The following ING5 variants were observed in gnomAD, a reference collection of about 807,000 sequenced individuals.
The protein encoded by ING5 is inhibitor of growth protein 5.
ING5 carries 17 observed loss-of-function variants against 37.4 expected under a neutral mutation model. The ratio of observed to expected loss-of-function variants is 0.45; its 90% CI spans 0.31 to 0.68. The LOEUF (loss-of-function observed/expected upper bound fraction) is 0.68. Among genes scored for constraint, ING5 ranks in the 30% least tolerant of loss-of-function variants. The probability of loss-of-function intolerance (pLI) is 0.05; values close to 1 mark genes in which losing one functional copy is unlikely to be tolerated. For synonymous variants in ING5, 123 were observed against 116.6 expected (o/e 1.06, Z -0.36); for missense variants, 233 against 311.9 (o/e 0.75, Z 1.91).
At chr2:241,722,813 G>T in intron 5 of ING5, 126 bp from the exon 6 acceptor site, 1 of 1,521,744 alleles carries the variant, frequency 6.6e-7, no homozygotes, top group Non-Finnish European at 8.8e-7. Flanking sequence ...TTTCCCCCTT[G>T]GAATGATTGT....
chr2:241,711,860 C>T (rs944369530), intron 4 of ING5, 118 bp from the exon 5 acceptor site: 26 of 903,714 alleles, frequency 2.9e-5, no homozygotes, highest in Non-Finnish European at 4.2e-5. Context: ...ATGATTGCTC[C>T]GCTGCACTCC....
intron 2 of ING5, among the ~76,000 whole-genome samples, chr2:241,696,673 G>C (rs921308747): frequency 3.3e-5 from 5 of 152,046 alleles, no homozygotes; most frequent in African/African-American, 7.2e-5. Context: ...TGTAGTCCCA[G>C]ATATTGAGGG....
At chr2:241,704,054 G>T (rs907067820) in intron 1 of ING5, among the ~76,000 whole-genome samples, 2 of 152,148 alleles carry the variant, frequency 1.3e-5, no homozygotes, top group East Asian at 1.9e-4. Flanking sequence ...TGCTCACTGA[G>T]GGGGGGCAGC....
At chr2:241,698,209 C>T (rs1171988521), upstream of ING5, among the ~76,000 whole-genome samples, 6 of 151,766 alleles carry the variant, frequency 4.0e-5, no homozygotes, top group South Asian at 1.2e-3. Flanking sequence ...CTTTGGGAGG[C>T]CAAGGCAGGA....
Position 241,712,043 on chromosome 2 carries a change from A to C in ING5, c.454A>C (p.Thr152Pro). The change falls in exon 5 of 8, where the codon ACA becomes CCA. Residue 152 changes from threonine (T) to proline (P), a missense_variant. By Grantham distance (38) the Thr-to-Pro change is conservative. This residue lies in a region of ING5 where 76 missense variants were observed against 68.2 expected (regional missense o/e 1.11). Transcript: ENST00000313552. ...AGGCAGGAGGACATCAGAGGAAGAC[A>C]CACCAAAGAAAAAGAAGCACAAAGG... Reference protein sequence around the residue: ...GRGRRTSEEDTPKKKKHKGGS... With the variant: ...GRGRRTSEEDPPKKKKHKGGS... 1 of 1,612,268 alleles carries C rather than the reference A, an allele frequency of 6.2e-7. No individual in the cohort carries two copies. Among genetic ancestry groups the C allele is most frequent in the Non-Finnish European group, 8.5e-7 (1 of 1,179,158 alleles).
intron 2 of ING5, among the ~76,000 whole-genome samples, chr2:241,692,054 TA>T (rs1287594703): frequency 6.6e-6 from 1 of 151,842 alleles, no homozygotes; most frequent in Non-Finnish European, 1.5e-5. Context: ...TCTCAATTTT[TA>T]AAAAAATATA....
intron 7 of ING5, 181 bp from the exon 8 acceptor site, chr2:241,724,808 A>AACC: frequency 1.6e-6 from 1 of 615,256 alleles, no homozygotes; most frequent in Non-Finnish European, 2.9e-6. Context: ...TCCTGCATAG[A>AACC]GCCGCACGTG....
At chr2:241,712,973 C>T (rs1035939745) in intron 5 of ING5, among the ~76,000 whole-genome samples, 7 of 150,812 alleles carry the variant, frequency 4.6e-5, no homozygotes, top group African/African-American at 1.7e-4. Flanking sequence ...TACATTCCAG[C>T]CTGGGCCACA....
In ING5 at chr2:241,725,962, G is replaced by T. The variant is rs55982148; in HGVS notation, c.*931G>T. 6.6e-6 allele frequency: 1 copy of T among 152,602 alleles called. No homozygotes were observed. The highest frequency in any genetic ancestry group is 1.5e-5 in the Non-Finnish European group (1 of 68,044). 9.5% of individuals were successfully genotyped at this position (152,602 alleles called of 1,614,324 possible). A position where few individuals can be genotyped will look rare whatever the true frequency, so the allele number is the denominator to read the frequency against. On this transcript the variant is annotated 3_prime_UTR_variant, in exon 8 of 8. Coordinates refer to ENST00000313552, the MANE Select transcript of ING5 (RefSeq NM_032329.6). ...TGTGAATTTGTTGTGAATTTGTTGTGCCACAATAGCAGTTCTGGAATGAAG... is the reference window on the plus strand; with the variant it reads ...TGTGAATTTGTTGTGAATTTGTTGTTCCACAATAGCAGTTCTGGAATGAAG...
exon 1 of ING5, chr2:241,687,489 C>A: frequency 2.5e-6 from 1 of 397,648 alleles, no homozygotes; most frequent in Non-Finnish European, 4.4e-6. Context: ...CCCTGAAGCG[C>A]AAAACTGCAG....
At chr2:241,703,459 C>T (rs532693967) in intron 1 of ING5, among the ~76,000 whole-genome samples, 3 of 152,168 alleles carry the variant, frequency 2.0e-5, no homozygotes, top group Admixed American at 2.0e-4. Context: ...CGGGGGTCCT[C>T]CTGGCAGACT....
exon 1 of ING5, chr2:241,687,526 T>TTTG (rs79632401): frequency 0.4 from 155,664 of 391,484 alleles, 31,967 homozygotes; most frequent in Middle Eastern, 0.48. Flanking sequence ...TGTGTGTGTT[T>TTTG]TTGTTGTTTT....
chr2:241,722,606 T>C (rs2070459814), intron 5 of ING5: 5 of 985,110 alleles, frequency 5.1e-6, no homozygotes, highest in Non-Finnish European at 4.8e-6. Context: ...TGCTGCGCCT[T>C]CTTAGAACAT....
chr2:241,696,419 C>T (rs887153161), intron 2 of ING5, among the ~76,000 whole-genome samples: 7 of 151,396 alleles, frequency 4.6e-5, no homozygotes, highest in Non-Finnish European at 1.0e-4. Context: ...AAAAACCCCC[C>T]AAAACAAAAA....
Position 241,729,234 on chromosome 2 carries a change from T to C in ING5, c.*4203T>C, listed in dbSNP as rs1445366489. On this transcript the variant is annotated 3_prime_UTR_variant, in exon 8 of 8. Transcript: ENST00000313552. ...AGGAGAGATTGTGTTGGAGTTTCTTTCTTCCTCTGTATGTATTTTGTGGTG... is the reference window on the plus strand; with the variant it reads ...AGGAGAGATTGTGTTGGAGTTTCTTCCTTCCTCTGTATGTATTTTGTGGTG... 1 of 152,672 alleles carries C rather than the reference T, an allele frequency of 6.5e-6. No homozygotes were observed. Among genetic ancestry groups the C allele is most frequent in the African/African-American group, 2.4e-5 (1 of 41,470 alleles). The allele number at this position is 152,672 out of a possible 1,614,324, so 9.5% of individuals were successfully genotyped here. A position where few individuals can be genotyped will look rare whatever the true frequency, so the allele number is the denominator to read the frequency against.
rs559423257 is a variant in ING5, at chr2:241,729,254, G to A, written c.*4223G>A. On this transcript the variant is annotated 3_prime_UTR_variant, in exon 8 of 8. Coordinates refer to ENST00000313552, the MANE Select transcript of ING5 (RefSeq NM_032329.6). ...TTCTTTCTTCCTCTGTATGTATTTT[G>A]TGGTGTCCACCTTTAACCACGTTTC... 1 of 152,498 alleles carries A rather than the reference G, an allele frequency of 6.6e-6. No homozygotes were observed. The highest frequency in any genetic ancestry group is 2.4e-5 in the African/African-American group (1 of 41,564). The allele number at this position is 152,498 out of a possible 1,614,324, so 9.4% of individuals were successfully genotyped here.
intron 5 of ING5, among the ~76,000 whole-genome samples, chr2:241,717,633 T>G (rs2070311489): frequency 6.6e-6 from 1 of 152,050 alleles, no homozygotes; most frequent in Non-Finnish European, 1.5e-5. Context: ...TGTTCTCTCA[T>G]TTTCTTCTGT....
intron 1 of ING5, 90 bp from the exon 2 acceptor site, chr2:241,704,563 C>G: frequency 1.9e-6 from 2 of 1,055,422 alleles, no homozygotes; most frequent in Non-Finnish European, 2.9e-6. Context: ...AGTGAAACTC[C>G]ATCTCAAAAA....
intron 5 of ING5, among the ~76,000 whole-genome samples, chr2:241,712,744 T>A (rs2070148481): frequency 6.6e-6 from 1 of 151,868 alleles, no homozygotes; most frequent in South Asian, 2.1e-4. Context: ...AGAGTGTAAG[T>A]TTTGGGCACG....
Sources: gnomAD v4.1 joint callset for allele counts (sites outside exome capture counted in the v4.1 genomes callset) on GRCh38, gnomAD v4.1.1 for gene constraint, gnomAD v4.1.1 regional missense constraint, MANE v1.5 for transcripts, NCBI Gene and HGNC (gene_info 2026-07-23, HGNC 2026-07-21) for gene names.